Variants in ST8SIA2 observed in about 807,000 individuals in gnomAD.
The protein encoded by ST8SIA2 is alpha-2,8-sialyltransferase 8B.
A neutral mutation model predicts 37.6 loss-of-function variants in ST8SIA2; 22 were observed. The observed-to-expected ratio is 0.58, with a 90% confidence interval of 0.42 to 0.83. ST8SIA2 has a LOEUF of 0.83. ST8SIA2 is among the 40% of genes least tolerant of loss of function. The pLI, the probability that ST8SIA2 is intolerant of heterozygous loss-of-function variation, is 0.00. For missense variants in ST8SIA2, 382 were observed against 484.7 expected (o/e 0.79, Z 1.99); for synonymous variants, 205 against 201.2 (o/e 1.02, Z -0.16).
Position 92,394,100 on chromosome 15 carries a change from G to A in ST8SIA2, c.36G>A (p.Ala12=). 3 of 1,558,044 alleles carry A rather than the reference G, an allele frequency of 1.9e-6. No homozygotes were observed. The highest frequency in any genetic ancestry group is 2.6e-6 in the Non-Finnish European group (3 of 1,150,050). Residue 12 remains alanine, a synonymous_variant, in exon 1 of 6, where the codon GCG becomes GCA. Transcript: ENST00000268164. The stretch of plus-strand genomic sequence containing the variant: ...AGTTCCGGAGCTGGATGCTGGCCGC[G>A]CTCACGCTGCTCGTGGTCTTCCTCA... ...QLQFRSWMLA[A]LTLLVVFLIF...
At position 92,427,633 on chromosome 15, in the gene ST8SIA2, C is replaced by T. The variant is rs531639440; in HGVS notation, c.99-2416C>T. On this transcript the variant is annotated intron_variant, in intron 1 of 5. Coordinates refer to ENST00000268164, the MANE Select transcript of ST8SIA2 (RefSeq NM_006011.4). ...CCCTCATCAAAGATTTGATGAATATCCTCTTCCCTGTTCTTACCAGTTTCT... is the reference window on the plus strand; with the variant it reads ...CCCTCATCAAAGATTTGATGAATATTCTCTTCCCTGTTCTTACCAGTTTCT... Among the ~76,000 whole-genome samples the T allele has an allele frequency of 1.6e-4, 24 of 152,276 alleles. No homozygotes were observed. In the East Asian group the frequency reaches 3.7e-3, roughly 23 times the overall value.
intron 5 of ST8SIA2, among the ~76,000 whole-genome samples, chr15:92,451,747 A>G (rs1442108970): frequency 6.6e-6 from 1 of 152,190 alleles, no homozygotes; most frequent in African/African-American, 2.4e-5. Flanking sequence ...TCATGTCATG[A>G]GAGGACTACT....
chr15:92,437,340 G>T (rs1463602028), intron 3 of ST8SIA2, among the ~76,000 whole-genome samples: 3 of 152,140 alleles, frequency 2.0e-5, no homozygotes, highest in Non-Finnish European at 4.4e-5. Flanking sequence ...CAGGTTCCTT[G>T]GCAGAAGGCT....
intron 5 of ST8SIA2, among the ~76,000 whole-genome samples, chr15:92,457,187 C>A (rs1252613691): frequency 2.0e-5 from 3 of 152,190 alleles, no homozygotes; most frequent in African/African-American, 7.2e-5. Flanking sequence ...CACTGAGTCT[C>A]CCTTGATGAC....
intron 5 of ST8SIA2, among the ~76,000 whole-genome samples, chr15:92,457,844 A>G (rs2049930461): frequency 6.6e-6 from 1 of 152,186 alleles, no homozygotes; most frequent in African/African-American, 2.4e-5. Flanking sequence ...CCTCTGTGCC[A>G]CTGAGCTCTG....
intron 1 of ST8SIA2, among the ~76,000 whole-genome samples, chr15:92,424,850 G>A (rs529825913): frequency 6.6e-6 from 1 of 152,252 alleles, no homozygotes; most frequent in South Asian, 2.1e-4. Flanking sequence ...GACCTCAGGT[G>A]ATCCACCCGC....
chr15:92,464,072 C>CTTTTTTTTTTTTT lies in ST8SIA2; in HGVS notation c.843-17_843-5dup, dbSNP rs34156050. 5.1e-4 allele frequency: 648 copies of CTTTTTTTTTTTTT among 1,273,042 alleles called. 38 individuals carry two copies. Among genetic ancestry groups the CTTTTTTTTTTTTT allele is most frequent in the Admixed American group, 2.2e-3 (68 of 30,358 alleles). 78.9% of individuals were successfully genotyped at this position (1,273,042 alleles called of 1,614,324 possible). On this transcript the variant is annotated intron_variant, in intron 5 of 5. Coordinates refer to ENST00000268164, the MANE Select transcript of ST8SIA2 (RefSeq NM_006011.4). ...TGACTCACAGACCCATGTTTCTTTTCTTTTTTTTTTTTTTTTTTTTTTTCC... is the reference window on the plus strand; with the variant it reads ...TGACTCACAGACCCATGTTTCTTTTCTTTTTTTTTTTTTTTTTTTTTTTTTTTTTTTTTTTTCC...
In ST8SIA2 at chr15:92,444,918, C is replaced by A. The variant is rs142169287; in HGVS notation, c.831C>A (p.His277Gln). ...RTAYPSLRLL[H>Q]AVRGYWLTNK... ...CATACCCCTCGCTGCGCCTGCTGCA[C>A]GCCGTTCGCGGGTGAGCGGCCTCCC... Residue 277 changes from histidine (H) to glutamine (Q), a missense_variant, in exon 5 of 6, where the codon CAC becomes CAA. His to Gln is a conservative substitution (Grantham distance 24). Transcript: ENST00000268164. The A allele has an allele frequency of 1.9e-6, 3 of 1,611,326 alleles. No individual in the cohort carries two copies. The highest frequency in any genetic ancestry group is 1.7e-5 in the Admixed American group (1 of 60,010).
At chr15:92,455,421 G>A (rs2049913260) in intron 5 of ST8SIA2, among the ~76,000 whole-genome samples, 1 of 152,092 alleles carries the variant, frequency 6.6e-6, no homozygotes, top group African/African-American at 2.4e-5. Flanking sequence ...TTGGATTAAA[G>A]GATTTAAAGT....
intron 5 of ST8SIA2, among the ~76,000 whole-genome samples, chr15:92,452,411 G>A (rs1352323): frequency 0.32 from 48,511 of 152,012 alleles, 8,166 homozygotes; most frequent in Admixed American, 0.47. Context: ...GCAAACTTGC[G>A]GTCAGACCAC....
At chr15:92,426,913 G>A (rs2141825310) in intron 1 of ST8SIA2, among the ~76,000 whole-genome samples, 1 of 152,130 alleles carries the variant, frequency 6.6e-6, no homozygotes, top group South Asian at 2.1e-4. Flanking sequence ...GGCCAACATG[G>A]TGAAACCCCA....
chr15:92,458,068 A>C (rs1567225383), intron 5 of ST8SIA2, among the ~76,000 whole-genome samples: 1 of 152,206 alleles, frequency 6.6e-6, no homozygotes, highest in Non-Finnish European at 1.5e-5. Context: ...TGCTGAGTGC[A>C]ACGGAAGTCA....
chr15:92,462,684 G>C (rs1348132989), intron 5 of ST8SIA2, among the ~76,000 whole-genome samples: 2 of 152,206 alleles, frequency 1.3e-5, no homozygotes, highest in Admixed American at 6.5e-5. Context: ...TAGTTAGGGA[G>C]GGCAAACCAT....
At position 92,444,738 on chromosome 15, in the gene ST8SIA2, G is replaced by A. The variant is rs1422902819; in HGVS notation, c.651G>A (p.Leu217=). ...TCATCCAGCGGGCCTTTGAGGACTT[G>A]GTCAATGCCACGTGGCGGGAGAAGC... ...PSVIQRAFED[L]VNATWREKLL... is the part of the protein sequence containing the mutation. Residue 217 remains leucine, a synonymous_variant, in exon 5 of 6, where the codon TTG becomes TTA. Coordinates refer to ENST00000268164, the MANE Select transcript of ST8SIA2 (RefSeq NM_006011.4). 4 of 1,614,210 alleles carry A rather than the reference G, an allele frequency of 2.5e-6. No homozygotes were observed. Among genetic ancestry groups the A allele is most frequent in the Non-Finnish European group, 3.4e-6 (4 of 1,180,032 alleles).
rs761024881 is a variant in ST8SIA2 at position 92,444,877 on chromosome 15, G to A, written c.790G>A (p.Val264Ile). 19 of 1,613,546 alleles carry A rather than the reference G, an allele frequency of 1.2e-5. No individual in the cohort carries two copies. The Admixed American group carries it at 2.2e-4, about 18-fold the overall frequency. ...WVNELILKHHVNVRTAYPSLR... is the reference protein window; with the variant it reads ...WVNELILKHHINVRTAYPSLR... ...CAACGAGCTTATCCTGAAGCACCAC[G>A]TCAACGTGCGCACTGCATACCCCTC... The change falls in exon 5 of 6, where the codon GTC (valine) becomes ATC (isoleucine). Residue 264 changes from valine (V) to isoleucine (I), a missense_variant. Transcript: ENST00000268164.
At chr15:92,460,211 A>C (rs1277619076) in intron 5 of ST8SIA2, among the ~76,000 whole-genome samples, 3 of 152,204 alleles carry the variant, frequency 2.0e-5, no homozygotes, top group African/African-American at 7.2e-5. Context: ...CTTTTGGCAG[A>C]ACCACCCACC....
In ST8SIA2 at chr15:92,394,143, G is replaced by A; in HGVS notation, c.79G>A (p.Glu27Lys). The change falls in exon 1 of 6, where the codon GAG becomes AAG. Residue 27 changes from glutamate (E) to lysine (K), a missense_variant. By Grantham distance (56) the Glu-to-Lys change is moderately conservative. Transcript: ENST00000268164. ...CTTCCTCATCTTCGCAGACATCTCA[G>A]AGATCGAAGAAGAAATCGGGTAAAT... is the stretch of plus-strand genomic sequence containing the variant. ...VVFLIFADIS[E>K]IEEEIGNSGG... is the part of the protein sequence containing the mutation. The A allele has an allele frequency of 6.4e-7, 1 of 1,558,420 alleles. No homozygotes were observed. The highest frequency in any genetic ancestry group is 8.7e-7 in the Non-Finnish European group (1 of 1,150,050).
chr15:92,441,577 GCACACACA>G (rs112388744), intron 4 of ST8SIA2, among the ~76,000 whole-genome samples: 51,468 of 143,122 alleles, frequency 0.36, 9,091 homozygotes, highest in East Asian at 0.6. Flanking sequence ...CACTGTGCAT[GCACACACA>G]CACACACACA....
chr15:92,458,468 G>T (rs909133586), intron 5 of ST8SIA2, among the ~76,000 whole-genome samples: 3 of 152,210 alleles, frequency 2.0e-5, no homozygotes, highest in African/African-American at 4.8e-5. Flanking sequence ...CACTGAGCAA[G>T]ATGCCTTTGA....
Sources: gnomAD v4.1 joint callset for allele counts (sites outside exome capture counted in the v4.1 genomes callset) on GRCh38, gnomAD v4.1.1 for gene constraint, MANE v1.5 for transcripts, NCBI Gene and HGNC (gene_info 2026-07-23, HGNC 2026-07-21) for gene names.